SLCO1B1: variants seen among roughly 807,000 people sequenced by gnomAD.
The protein encoded by SLCO1B1 is OATP-2.
A neutral mutation model predicts 70.1 loss-of-function variants in SLCO1B1; 81 were observed. The observed-to-expected ratio is 1.16, with a 90% CI of 0.97 to 1.39. The LOEUF (loss-of-function observed/expected upper bound fraction) is 1.39, where lower values mean the gene tolerates loss of function less well. Ranked by LOEUF, SLCO1B1 falls within the 40% of genes most tolerant of loss-of-function variation. SLCO1B1 has a pLI of 0.00. For missense variants in SLCO1B1, 895 were observed against 799.6 expected (o/e 1.12, Z -1.44); for synonymous variants, 283 against 271.5 (o/e 1.04, Z -0.42).
intron 1 of SLCO1B1, among the ~76,000 whole-genome samples, chr12:21,140,850 T>A (rs1284420847): frequency 6.6e-6 from 1 of 151,972 alleles, no homozygotes; most frequent in East Asian, 1.9e-4. Flanking sequence ...ATTTTTTTAA[T>A]TTGCATTTTC....
At chr12:21,196,690 T>C (rs954825188) in intron 7 of SLCO1B1, among the ~76,000 whole-genome samples, 1 of 152,204 alleles carries the variant, frequency 6.6e-6, no homozygotes. Flanking sequence ...TCCAGTCATG[T>C]AATCAGAAAA....
At chr12:21,221,775 G>A (rs796312860) in intron 12 of SLCO1B1, among the ~76,000 whole-genome samples, 7 of 152,196 alleles carry the variant, frequency 4.6e-5, no homozygotes, top group African/African-American at 1.7e-4. Context: ...TGGTAAGAAT[G>A]TTGAGGAAAA....
chr12:21,232,224 C>T (rs539518316), intron 14 of SLCO1B1, among the ~76,000 whole-genome samples: 1 of 152,328 alleles, frequency 6.6e-6, no homozygotes, highest in Non-Finnish European at 1.5e-5. Flanking sequence ...CTCTTAGCTT[C>T]TGAGCTATAG....
At chr12:21,230,422 C>A (rs564554808) in intron 14 of SLCO1B1, among the ~76,000 whole-genome samples, 49 of 151,100 alleles carry the variant, frequency 3.2e-4, no homozygotes, top group Non-Finnish European at 6.5e-4. Context: ...CCTCCGCTTC[C>A]CAGGTTCAAG....
intron 7 of SLCO1B1, among the ~76,000 whole-genome samples, chr12:21,180,279 C>T (rs1001748000): frequency 5.9e-5 from 9 of 152,152 alleles, no homozygotes; most frequent in Admixed American, 1.3e-4. Context: ...CATTTCTCTG[C>T]ATTTACACTT....
At chr12:21,139,552 T>C (rs1292640533) in intron 1 of SLCO1B1, among the ~76,000 whole-genome samples, 1 of 152,148 alleles carries the variant, frequency 6.6e-6, no homozygotes, top group Non-Finnish European at 1.5e-5. Context: ...TTTATATTAT[T>C]CAGAATCCAT....
At chr12:21,164,105 T>C (rs573232566) in intron 2 of SLCO1B1, among the ~76,000 whole-genome samples, 10 of 152,224 alleles carry the variant, frequency 6.6e-5, no homozygotes, top group African/African-American at 2.4e-4. Flanking sequence ...TGGAGGCAGA[T>C]CCATTTTTTC....
intron 14 of SLCO1B1, among the ~76,000 whole-genome samples, chr12:21,230,548 T>C (rs188100499): frequency 6.6e-6 from 1 of 152,188 alleles, no homozygotes; most frequent in Admixed American, 6.5e-5. Context: ...CAGGCTGGTC[T>C]CGAACTCCTG....
intron 5 of SLCO1B1, 90 bp from the exon 6 acceptor site, chr12:21,178,486 G>C (rs933629154): frequency 4.4e-6 from 4 of 919,060 alleles, no homozygotes; most frequent in Non-Finnish European, 6.8e-6. Flanking sequence ...AAAAAAATAA[G>C]TAGAATAATT....
intron 7 of SLCO1B1, among the ~76,000 whole-genome samples, chr12:21,182,567 C>T (rs1037203589): frequency 2.0e-5 from 3 of 152,142 alleles, no homozygotes; most frequent in Non-Finnish European, 4.4e-5. Context: ...CCTGCCTGGC[C>T]ACACCTGCAA....
At chr12:21,194,142 A>C (rs11045844) in intron 7 of SLCO1B1, among the ~76,000 whole-genome samples, 1,574 of 151,100 alleles carry the variant, frequency 0.01, 38 homozygotes, top group South Asian at 0.039. Context: ...GGTATGAACA[A>C]AATGCAGCCA....
intron 3 of SLCO1B1, among the ~76,000 whole-genome samples, chr12:21,173,574 C>T (rs7299630): frequency 0.31 from 47,263 of 151,630 alleles, 8,805 homozygotes; most frequent in African/African-American, 0.51. Context: ...GTTCTGATTT[C>T]ATGGATGCAA....
In SLCO1B1 at chr12:21,167,330, C is replaced by T. The variant is rs7962004; in HGVS notation, c.85-5320C>T. ...GTATAAAAGAACCTAAATTAGTAGA[C>T]AGTGAGAGAGGAATGGGGGAGGGGA... On this transcript the variant is annotated intron_variant, in intron 2 of 14. Transcript: ENST00000256958. 2.7e-3 allele frequency among the ~76,000 whole-genome samples: 410 copies of T among 152,152 alleles called. 1 individual carries two copies. Among genetic ancestry groups the T allele is most frequent in the African/African-American group, 9.5e-3 (393 of 41,512 alleles).
At chr12:21,138,408 A>G (rs1223059479) in intron 1 of SLCO1B1, among the ~76,000 whole-genome samples, 3 of 152,220 alleles carry the variant, frequency 2.0e-5, no homozygotes, top group African/African-American at 7.2e-5. Context: ...TATGTAAATC[A>G]TTTGAAATTT....
intron 14 of SLCO1B1, among the ~76,000 whole-genome samples, chr12:21,238,706 G>A (rs766531921): frequency 6.6e-6 from 1 of 151,894 alleles, no homozygotes; most frequent in African/African-American, 2.4e-5. Flanking sequence ...CTGTAGGTGG[G>A]GCAGGATGGC....
chr12:21,178,414 C>CAT (rs1218619754), intron 5 of SLCO1B1, among the ~76,000 whole-genome samples, 162 bp from the exon 6 acceptor site: 2 of 151,610 alleles, frequency 1.3e-5, no homozygotes, highest in African/African-American at 4.9e-5. Context: ...TAAGAATGGA[C>CAT]TAATACACCA....
intron 1 of SLCO1B1, among the ~76,000 whole-genome samples, chr12:21,134,151 G>A (rs371746841): frequency 1.2e-4 from 19 of 152,298 alleles, no homozygotes; most frequent in South Asian, 2.1e-4. Context: ...ATTTGCGTAT[G>A]TTGAACCAGC....
Position 21,224,822 on chromosome 12 carries a change from T to G in SLCO1B1, c.1848T>G (p.Tyr616Ter), listed in dbSNP as rs1488371773. 2 of 1,584,196 alleles carry G rather than the reference T, an allele frequency of 1.3e-6. No individual in the cohort carries two copies. The highest frequency in any genetic ancestry group is 1.7e-6 in the Non-Finnish European group (2 of 1,156,698). ...GCACACGTGGGTCATGTAGGACATA[T>G]AATTCCACATCATTTTCGTAAGTTG... is the stretch of plus-strand genomic sequence containing the variant. ...NCGTRGSCRTYNSTSFSRVYL... is the reference protein window; with the variant it reads ...NCGTRGSCRT The change falls in exon 14 of 15, where the codon TAT becomes TAG. Residue 616 changes from tyrosine to a stop codon, truncating the protein, a stop_gained. Transcript: ENST00000256958. LOFTEE classifies it low-confidence loss of function (END_TRUNC).
At chr12:21,167,308 T>C (rs1452561442) in intron 2 of SLCO1B1, among the ~76,000 whole-genome samples, 2 of 152,158 alleles carry the variant, frequency 1.3e-5, no homozygotes, top group Non-Finnish European at 2.9e-5. Flanking sequence ...TAGCTGAGTA[T>C]AAAAGAACCT....
Sources: gnomAD v4.1 joint callset for allele counts (sites outside exome capture counted in the v4.1 genomes callset) on GRCh38, gnomAD v4.1.1 for gene constraint, MANE v1.5 for transcripts, NCBI Gene and HGNC (gene_info 2026-07-23, HGNC 2026-07-21) for gene names.